Variants in GLDC observed in about 807,000 individuals in gnomAD.
The protein encoded by GLDC is glycine dehydrogenase (decarboxylating), mitochondrial.
In GLDC, 104 loss-of-function variants were observed where a neutral mutation model predicts 121.3. The observed-to-expected ratio is 0.86, with a 90% CI of 0.73 to 1.01. The LOEUF is 1.01. Ranked by LOEUF, GLDC falls within the 50% of genes least tolerant of loss-of-function variation. GLDC has a pLI of 0.00. For synonymous variants in GLDC, 546 were observed against 480.6 expected (o/e 1.14, Z -1.78); for missense variants, 1,429 against 1,306.6 (o/e 1.09, Z -1.44).
intron 2 of GLDC, among the ~76,000 whole-genome samples, chr9:6,632,167 G>A (rs377728744): frequency 1.3e-5 from 2 of 152,170 alleles, no homozygotes; most frequent in Non-Finnish European, 2.9e-5. Context: ...GTGAATCAAT[G>A]TGTTGCAATG....
chr9:6,540,599 C>T lies in GLDC; in HGVS notation c.2570-453G>A, dbSNP rs73639326. On this transcript the variant is annotated intron_variant, in intron 21 of 24. Coordinates refer to ENST00000321612, the MANE Select transcript of GLDC (RefSeq NM_000170.3). ...CCTCAACATCAAATAATTACTTTTG[C>T]GTATATATAGGTATGGATATATTAA... 2.3e-3 allele frequency: 471 copies of T among 200,466 alleles called. 1 individual carries two copies. Among genetic ancestry groups the T allele is most frequent in the African/African-American group, 1.0e-2 (428 of 42,844 alleles). The allele number at this position is 200,466 out of a possible 1,614,324, so 12.4% of individuals were successfully genotyped here.
At chr9:6,577,786 C>A (rs1046092906) in intron 15 of GLDC, among the ~76,000 whole-genome samples, 5 of 151,772 alleles carry the variant, frequency 3.3e-5, no homozygotes, top group African/African-American at 1.2e-4. Context: ...AATTCCCCTC[C>A]TCTCCTGCTC....
At chr9:6,602,897 C>A (rs1013410205) in intron 7 of GLDC, among the ~76,000 whole-genome samples, 7 of 151,486 alleles carry the variant, frequency 4.6e-5, no homozygotes, top group African/African-American at 1.5e-4. Context: ...TGAAAACATT[C>A]AAAAAAATAA....
In GLDC at chr9:6,645,386, G is replaced by A. The variant is rs1315587398; in HGVS notation, c.114C>T (p.Ser38=). ...PCWAPRSRDS[S]SGGGDSAAAG... is the part of the protein sequence containing the mutation. The stretch of plus-strand genomic sequence containing the variant: ...CCGCGGCGCTGTCCCCGCCGCCACT[G>A]CTGCTGTCCCGGCTCCGCGGCGCCC... The change falls in exon 1 of 25, where the codon AGC becomes AGT. Residue 38 remains serine, a synonymous_variant. Transcript: ENST00000321612. The A allele has an allele frequency of 2.6e-5, 39 of 1,525,038 alleles. No homozygotes were observed. Among genetic ancestry groups the A allele is most frequent in the Non-Finnish European group, 3.1e-5 (35 of 1,138,102 alleles). 94.5% of individuals were successfully genotyped at this position (1,525,038 alleles called of 1,614,324 possible). A position where few individuals can be genotyped will look rare whatever the true frequency, so the allele number is the denominator to read the frequency against.
In GLDC at chr9:6,605,715, C is replaced by G. The variant is rs112011707; in HGVS notation, c.714-437G>C. Among the ~76,000 whole-genome samples the G allele has an allele frequency of 1.6e-3, 249 of 152,302 alleles. 2 individuals are homozygous for G. Among genetic ancestry groups the G allele is most frequent in the African/African-American group, 5.0e-3 (209 of 41,558 alleles). On this transcript the variant is annotated intron_variant, in intron 5 of 24. Transcript: ENST00000321612. Reference sequence around the variant, plus strand: ...TGCCAATTATATGTCAGAAACCCCCCCTCTGAAGGGATGGTGGTATGGGTA... The same window carrying G: ...TGCCAATTATATGTCAGAAACCCCCGCTCTGAAGGGATGGTGGTATGGGTA...
rs565841286 is a variant in GLDC, at chr9:6,546,577, A to G, written c.2569+4226T>C. Among the ~76,000 whole-genome samples the G allele has an allele frequency of 1.8e-4, 27 of 152,112 alleles. 4 individuals carry two copies. The highest frequency in any genetic ancestry group is 1.4e-3 in the Admixed American group (22 of 15,280). On this transcript the variant is annotated intron_variant, in intron 21 of 24. Coordinates refer to ENST00000321612, the MANE Select transcript of GLDC (RefSeq NM_000170.3). ...GGAGCTGCTATCTCCTGTGATGACAATGCCTTCTTCTGGAATACCTCCTGA... is the reference window on the plus strand; with the variant it reads ...GGAGCTGCTATCTCCTGTGATGACAGTGCCTTCTTCTGGAATACCTCCTGA...
chr9:6,609,694 C>T (rs1818810070), intron 4 of GLDC, among the ~76,000 whole-genome samples: 1 of 152,024 alleles, frequency 6.6e-6, no homozygotes, highest in Non-Finnish European at 1.5e-5. Flanking sequence ...CCGCCCTCTG[C>T]CCTCCCAAAG....
intron 7 of GLDC, 95 bp downstream of exon 7, chr9:6,604,492 GC>G (rs1250285187): frequency 1.8e-6 from 2 of 1,124,154 alleles, no homozygotes; most frequent in Non-Finnish European, 2.7e-6. Flanking sequence ...ACTCAACATG[GC>G]CCAGTTGAAT....
At chr9:6,579,102 A>G (rs986488162) in intron 15 of GLDC, among the ~76,000 whole-genome samples, 1 of 152,136 alleles carries the variant, frequency 6.6e-6, no homozygotes, top group Non-Finnish European at 1.5e-5. Context: ...GATCTTATCT[A>G]TATCTGGGTA....
At chr9:6,607,608 A>C (rs1002164133) in intron 4 of GLDC, among the ~76,000 whole-genome samples, 1 of 151,962 alleles carries the variant, frequency 6.6e-6, no homozygotes, top group Non-Finnish European at 1.5e-5. Context: ...ACATACATAA[A>C]TTAATAAATA....
In GLDC at chr9:6,556,145, G is replaced by C; in HGVS notation, c.2202+8C>G. Reference sequence around the variant, plus strand: ...TGGGAACTAAGGGCGGGCCTCTTCAGTTCCCACCTGAGCATTCATATTTGC... The same window carrying C: ...TGGGAACTAAGGGCGGGCCTCTTCACTTCCCACCTGAGCATTCATATTTGC... On this transcript the variant is annotated splice_region_variant and intron_variant, in intron 18 of 24. Transcript: ENST00000321612. The C allele has an allele frequency of 6.2e-7, 1 of 1,609,454 alleles. No homozygotes were observed. The highest frequency in any genetic ancestry group is 8.5e-7 in the Non-Finnish European group (1 of 1,177,196).
chr9:6,565,527 G>A lies in GLDC; in HGVS notation c.1851-98C>T, dbSNP rs897765861. ...GCCCTGGCCAGGGGTTCACCAGCAC[G>A]TGACACATGGTCACTGTCCAGACGC... On this transcript the variant is annotated intron_variant, in intron 15 of 24. Coordinates refer to ENST00000321612, the MANE Select transcript of GLDC (RefSeq NM_000170.3). 3.4e-6 allele frequency: 3 copies of A among 871,802 alleles called. No individual in the cohort carries two copies. The African/African-American group carries it at 4.9e-5, about 14-fold the overall frequency. 54.0% of individuals were successfully genotyped at this position (871,802 alleles called of 1,614,324 possible).
chr9:6,611,372 A>G (rs1000959792), intron 3 of GLDC, among the ~76,000 whole-genome samples: 2 of 152,144 alleles, frequency 1.3e-5, no homozygotes, highest in South Asian at 2.1e-4. Flanking sequence ...CCTGGCTAAC[A>G]TGGTGAAACC....
At chr9:6,639,491 T>C in intron 2 of GLDC, 1 of 874,952 alleles carries the variant, frequency 1.1e-6, no homozygotes. Context: ...AGAAGCTCTA[T>C]GACAATGATG....
intron 3 of GLDC, among the ~76,000 whole-genome samples, chr9:6,612,400 C>T (rs1024326607): frequency 3.9e-5 from 6 of 151,924 alleles, no homozygotes; most frequent in African/African-American, 1.2e-4. Flanking sequence ...ATGTTGGTTT[C>T]AAAGCTTTCA....
At chr9:6,577,875 CTTCT>C (rs1218284487) in intron 15 of GLDC, among the ~76,000 whole-genome samples, 1 of 151,276 alleles carries the variant, frequency 6.6e-6, no homozygotes, top group Non-Finnish European at 1.5e-5. Flanking sequence ...GCTTAATGTA[CTTCT>C]TTCTCTGTTG....
At chr9:6,546,545 C>T (rs1283135094) in intron 21 of GLDC, among the ~76,000 whole-genome samples, 1 of 152,042 alleles carries the variant, frequency 6.6e-6, no homozygotes, top group Non-Finnish European at 1.5e-5. Flanking sequence ...GGGACAGTAA[C>T]ACACACGGAG....
At position 6,644,623 on chromosome 9, in the gene GLDC, C is replaced by T. The variant is rs1302423093; in HGVS notation, c.325G>A (p.Asp109Asn). The T allele has an allele frequency of 6.2e-7, 1 of 1,609,614 alleles. No homozygotes were observed. Among genetic ancestry groups the T allele is most frequent in the South Asian group, 1.1e-5 (1 of 90,986 alleles). ...CCTCCCGGCCACTTACAAACAGGGT[C>T]TTCCATTTTCAAGGGTCTTTTCAAA... The part of the protein sequence containing the change: ...IRLKRPLKME[D>N]PVCENEILAT... The change falls in exon 2 of 25, where the codon GAC becomes AAC. Residue 109 changes from aspartate to asparagine, a missense_variant. Physicochemically the swap from Asp to Asn is conservative, Grantham distance 23. Coordinates refer to ENST00000321612, the MANE Select transcript of GLDC (RefSeq NM_000170.3).
chr9:6,643,416 T>C (rs1195250912), intron 2 of GLDC, among the ~76,000 whole-genome samples: 1 of 150,376 alleles, frequency 6.6e-6, no homozygotes, highest in Non-Finnish European at 1.5e-5. Context: ...GCTTGCCATC[T>C]GCACACTAGA....
Sources: allele counts gnomAD v4.1 joint callset (sites outside exome capture counted in the v4.1 genomes callset), GRCh38; gene constraint gnomAD v4.1.1; transcripts MANE v1.5; gene names NCBI Gene and HGNC (gene_info 2026-07-23, HGNC 2026-07-21).